ALPK1: variants seen among roughly 807,000 people sequenced by gnomAD.
ALPK1 encodes the protein alpha-protein kinase 1.
ALPK1 carries 110 observed loss-of-function variants against 120.6 expected under a neutral mutation model. The ratio of observed to expected loss-of-function variants is 0.91; its 90% CI spans 0.78 to 1.07. The LOEUF (loss-of-function observed/expected upper bound fraction) is 1.07. Among genes scored for constraint, ALPK1 ranks in the 50% least tolerant of loss-of-function variants. ALPK1 has a pLI of 0.00. For synonymous variants in ALPK1, 582 were observed against 560.3 expected (o/e 1.04, Z -0.55); for missense variants, 1,498 against 1,483.9 (o/e 1.01, Z -0.16).
intron 2 of ALPK1, among the ~76,000 whole-genome samples, chr4:112,323,625 A>G (rs919087676): frequency 6.6e-6 from 1 of 152,234 alleles, no homozygotes; most frequent in Admixed American, 6.5e-5. Context: ...TATGTCAAAT[A>G]AAGTTGCCAT....
intron 2 of ALPK1, among the ~76,000 whole-genome samples, chr4:112,354,628 C>T (rs572428808): frequency 2.6e-4 from 40 of 152,118 alleles, no homozygotes; most frequent in African/African-American, 9.6e-4. Flanking sequence ...CCACCATACC[C>T]ACCTAATTTT....
intron 2 of ALPK1, among the ~76,000 whole-genome samples, chr4:112,355,929 C>A (rs796627822): frequency 6.6e-6 from 1 of 152,186 alleles, no homozygotes; most frequent in Non-Finnish European, 1.5e-5. Context: ...TGAGGTCCCC[C>A]GGTTCTGGAA....
chr4:112,377,156 T>C (rs1204295673), intron 2 of ALPK1, among the ~76,000 whole-genome samples: 1 of 152,198 alleles, frequency 6.6e-6, no homozygotes, highest in Non-Finnish European at 1.5e-5. Context: ...TTGGTAATGT[T>C]CCTGGCAGTG....
intron 4 of ALPK1, among the ~76,000 whole-genome samples, chr4:112,404,511 G>A (rs1474872374): frequency 6.6e-6 from 1 of 152,186 alleles, no homozygotes; most frequent in African/African-American, 2.4e-5. Context: ...GCTAGAGCTA[G>A]GAAACAAACT....
In ALPK1 at chr4:112,313,457, T is replaced by A. The variant is rs56387443; in HGVS notation, c.-152-2344T>A. On this transcript the variant is annotated intron_variant, in intron 1 of 15. Coordinates refer to ENST00000650871, the MANE Select transcript of ALPK1 (RefSeq NM_025144.4). The stretch of plus-strand genomic sequence containing the variant: ...ACTGCTGGAGGCCGGGCATGGTGGC[T>A]CACGCCTGTAATCCCAACAGTTTGG... Among the ~76,000 whole-genome samples, 626 of 152,334 alleles carry A rather than the reference T, an allele frequency of 4.1e-3. 3 individuals carry two copies. Among genetic ancestry groups the A allele is most frequent in the South Asian group, 0.013 (64 of 4,826 alleles).
chr4:112,350,537 G>T (rs942822530), intron 2 of ALPK1, among the ~76,000 whole-genome samples: 2 of 152,250 alleles, frequency 1.3e-5, no homozygotes, highest in Middle Eastern at 6.8e-3. Context: ...AGACTAAATG[G>T]TCAAGACTAC....
chr4:112,352,304 C>T (rs1730399597), intron 2 of ALPK1, among the ~76,000 whole-genome samples: 1 of 152,202 alleles, frequency 6.6e-6, no homozygotes, highest in South Asian at 2.1e-4. Flanking sequence ...AAGTCTCCTC[C>T]ATGTGCTTCC....
chr4:112,390,913 C>T (rs1474621256), intron 4 of ALPK1, among the ~76,000 whole-genome samples: 1 of 151,932 alleles, frequency 6.6e-6, no homozygotes, highest in Non-Finnish European at 1.5e-5. Context: ...CACTGAACTG[C>T]CAAGGAAAGA....
In ALPK1 at chr4:112,423,892, G is replaced by C. The variant is rs374746088; in HGVS notation, c.476-52G>C. The C allele has an allele frequency of 1.0e-5, 16 of 1,574,190 alleles. No individual in the cohort carries two copies. In the African/African-American group the frequency reaches 1.9e-4, roughly 19 times the overall value. ...CTTAGAACATGAACAACTTGTAATT[G>C]TTAAGTGCATGTTCAAAGCTAATTG... On this transcript the variant is annotated intron_variant, in intron 5 of 15. Transcript: ENST00000650871.
In ALPK1 at chr4:112,433,139, C is replaced by A. The variant is rs541804294; in HGVS notation, c.3034+558C>A. Among the ~76,000 whole-genome samples the A allele has an allele frequency of 1.2e-3, 178 of 152,312 alleles. 1 individual carries two copies. Among genetic ancestry groups the A allele is most frequent in the African/African-American group, 4.1e-3 (170 of 41,556 alleles). ...TTACACCTGTCTACCTAAGCGGTTT[C>A]TTGCCAGCCAATTGGTTGGTCAAGT... On this transcript the variant is annotated intron_variant, in intron 11 of 15. Coordinates refer to ENST00000650871, the MANE Select transcript of ALPK1 (RefSeq NM_025144.4).
At chr4:112,418,931 A>G (rs1284643347) in intron 5 of ALPK1, among the ~76,000 whole-genome samples, 1 of 152,240 alleles carries the variant, frequency 6.6e-6, no homozygotes, top group Admixed American at 6.5e-5. Context: ...GCAATAAGAA[A>G]ATGAAAGGAA....
At chr4:112,435,033 TAA>T in intron 11 of ALPK1, 113 bp from the exon 12 acceptor site, 1 of 1,019,878 alleles carries the variant, frequency 9.8e-7, no homozygotes. Flanking sequence ...GAAAAGTGTA[TAA>T]AAAAGTGAAG....
chr4:112,345,195 C>T (rs574569587), intron 2 of ALPK1, among the ~76,000 whole-genome samples: 3 of 152,306 alleles, frequency 2.0e-5, no homozygotes, highest in African/African-American at 7.2e-5. Context: ...AGACAGTGCT[C>T]ATTTACCCAT....
At chr4:112,304,962 A>G (rs1306853626) in intron 1 of ALPK1, among the ~76,000 whole-genome samples, 2 of 152,102 alleles carry the variant, frequency 1.3e-5, no homozygotes, top group Non-Finnish European at 2.9e-5. Flanking sequence ...TCAGTTTTCT[A>G]CATATGGCTA....
At chr4:112,347,610 T>C (rs1730154515) in intron 2 of ALPK1, among the ~76,000 whole-genome samples, 1 of 152,252 alleles carries the variant, frequency 6.6e-6, no homozygotes, top group Non-Finnish European at 1.5e-5. Context: ...TTATGTTTAC[T>C]TCTCGAATGA....
chr4:112,357,588 G>A (rs1056408254), intron 2 of ALPK1: 75 of 1,557,418 alleles, frequency 4.8e-5, no homozygotes, highest in Non-Finnish European at 6.5e-5. Context: ...CCTTTGCCCT[G>A]GAGTTGCAGA....
intron 4 of ALPK1, among the ~76,000 whole-genome samples, chr4:112,401,532 G>A (rs1732914009): frequency 6.6e-6 from 1 of 152,202 alleles, no homozygotes; most frequent in South Asian, 2.1e-4. Flanking sequence ...GATAGTTGGA[G>A]AGAAGAAGGT....
intron 4 of ALPK1, among the ~76,000 whole-genome samples, chr4:112,409,496 A>G (rs1212303525): frequency 1.3e-5 from 2 of 152,124 alleles, no homozygotes; most frequent in Middle Eastern, 3.2e-3. Context: ...GCTTTGTATT[A>G]GACGTAGGGA....
intron 5 of ALPK1, among the ~76,000 whole-genome samples, chr4:112,421,007 A>G (rs944978074): frequency 6.6e-6 from 1 of 152,018 alleles, no homozygotes; most frequent in African/African-American, 2.4e-5. Context: ...TACTTTTTGT[A>G]TTTTTAGTAG....
Sources: allele counts gnomAD v4.1 joint callset (sites outside exome capture counted in the v4.1 genomes callset), GRCh38; gene constraint gnomAD v4.1.1; transcripts MANE v1.5; gene names NCBI Gene and HGNC (gene_info 2026-07-23, HGNC 2026-07-21).